LINGO2: variants seen among roughly 807,000 people sequenced by gnomAD.
LINGO2 encodes leucine-rich repeat and immunoglobulin-like domain-containing nogo receptor-interacting protein 2.
Under a neutral mutation model 30.6 loss-of-function variants are expected in LINGO2, and 14 were observed. The observed-to-expected ratio is 0.46, with a 90% CI of 0.30 to 0.72. LINGO2 has a LOEUF of 0.72. LINGO2 is among the 30% of genes least tolerant of loss of function. The pLI is 0.07. For missense variants in LINGO2, 729 were observed against 751.7 expected, an observed-to-expected ratio of 0.97 and a Z score of 0.35; for synonymous variants, 317 against 288.5, an observed-to-expected ratio of 1.10 and a Z score of -1.00.
intron 4 of LINGO2, among the ~76,000 whole-genome samples, chr9:28,193,670 A>G (rs971943109): frequency 8.5e-5 from 13 of 152,220 alleles, no homozygotes; most frequent in African/African-American, 2.9e-4. Flanking sequence ...AGTCACCTCC[A>G]AACTCGGTGG....
chr9:29,142,251 GA>G, the LINGO2 span, among the ~76,000 whole-genome samples: 1 of 151,724 alleles, frequency 6.6e-6, no homozygotes, highest in South Asian at 2.1e-4. Context: ...ATAGCAGAAG[GA>G]ATACAGGAAA....
the LINGO2 span, among the ~76,000 whole-genome samples, chr9:28,677,043 C>T: frequency 1.3e-5 from 2 of 152,054 alleles, no homozygotes; most frequent in Non-Finnish European, 2.9e-5. Context: ...GAATGCTTTC[C>T]GTATGCTAGG....
the LINGO2 span, among the ~76,000 whole-genome samples, chr9:28,790,946 A>G: frequency 2.0e-5 from 3 of 152,170 alleles, no homozygotes; most frequent in African/African-American, 7.2e-5. Flanking sequence ...GTACATACAC[A>G]CTACCATACT....
the LINGO2 span, among the ~76,000 whole-genome samples, chr9:29,128,544 T>C: frequency 6.6e-6 from 1 of 152,114 alleles, no homozygotes; most frequent in Non-Finnish European, 1.5e-5. Flanking sequence ...TTGTACTGCT[T>C]TTCTAATCAG....
At chr9:29,054,208 CA>C in the LINGO2 span, among the ~76,000 whole-genome samples, 57 of 152,058 alleles carry the variant, frequency 3.7e-4, no homozygotes, top group African/African-American at 1.3e-3. Flanking sequence ...AATTGTACAA[CA>C]AAACTAAATA....
upstream of LINGO2, among the ~76,000 whole-genome samples, chr9:28,673,861 G>A (rs1222913946): frequency 3.3e-5 from 5 of 151,848 alleles, no homozygotes; most frequent in South Asian, 4.1e-4. Context: ...AAGTGATAAC[G>A]TTTATAAACA....
chr9:28,154,166 A>G (rs896146407), intron 4 of LINGO2, among the ~76,000 whole-genome samples: 7 of 152,198 alleles, frequency 4.6e-5, no homozygotes, highest in African/African-American at 1.7e-4. Flanking sequence ...AGACAGAGGT[A>G]AAGGAAGTGG....
chr9:28,732,621 T>G, the LINGO2 span, among the ~76,000 whole-genome samples: 1 of 152,220 alleles, frequency 6.6e-6, no homozygotes, highest in East Asian at 1.9e-4. Flanking sequence ...AGAACATAGA[T>G]AAATGAAATA....
At chr9:28,570,556 A>G (rs921929230) in intron 1 of LINGO2, among the ~76,000 whole-genome samples, 2 of 151,828 alleles carry the variant, frequency 1.3e-5, no homozygotes, top group African/African-American at 2.4e-5. Context: ...TTCAAGTACT[A>G]TCAGAAGCAT....
the LINGO2 span, among the ~76,000 whole-genome samples, chr9:28,920,873 C>A: frequency 8.5e-5 from 13 of 152,210 alleles, no homozygotes; most frequent in Middle Eastern, 0.01. Flanking sequence ...CTCTTTTTAG[C>A]TAACATTTCC....
the LINGO2 span, among the ~76,000 whole-genome samples, chr9:28,919,390 T>C: frequency 6.6e-6 from 1 of 152,198 alleles, no homozygotes; most frequent in East Asian, 1.9e-4. Context: ...AACTTCATTA[T>C]ACAATCTCTT....
the LINGO2 span, among the ~76,000 whole-genome samples, chr9:29,158,900 T>C: frequency 6.6e-6 from 1 of 152,168 alleles, no homozygotes; most frequent in South Asian, 2.1e-4. Context: ...CATGTCCTCA[T>C]TTCTTTTGAG....
At chr9:28,612,727 G>A (rs895534718) in intron 1 of LINGO2, among the ~76,000 whole-genome samples, 1 of 152,114 alleles carries the variant, frequency 6.6e-6, no homozygotes, top group Non-Finnish European at 1.5e-5. Flanking sequence ...TCTCAGATGA[G>A]ACTTTGGACT....
chr9:28,125,990 A>G (rs1827225266), intron 4 of LINGO2, among the ~76,000 whole-genome samples: 1 of 152,190 alleles, frequency 6.6e-6, no homozygotes, highest in Admixed American at 6.5e-5. Flanking sequence ...CTCAAATTCA[A>G]ATCATTCAAA....
chr9:28,364,901 C>T (rs1368225215), intron 3 of LINGO2, among the ~76,000 whole-genome samples: 3 of 152,096 alleles, frequency 2.0e-5, no homozygotes, highest in African/African-American at 7.2e-5. Flanking sequence ...TTCATTCATT[C>T]AAATAACATT....
chr9:28,203,901 C>A (rs1346167999), intron 4 of LINGO2, among the ~76,000 whole-genome samples: 2 of 152,104 alleles, frequency 1.3e-5, no homozygotes, highest in African/African-American at 4.8e-5. Context: ...GTTTGGGAAA[C>A]AACAGGCTAA....
In LINGO2 at chr9:28,511,049, G is replaced by T. The variant is rs374644665; in HGVS notation, c.-364-35024C>A. On this transcript the variant is annotated intron_variant, in intron 1 of 5. Coordinates refer to ENST00000379992, the Ensembl canonical transcript of LINGO2. ...GACTGTGCCCACTAGATTAAGGGTG[G>T]ATCTGCCTTCCCCAGCCCACCGATT... is the stretch of plus-strand genomic sequence containing the variant. Among the ~76,000 whole-genome samples, 73 of 151,978 alleles carry T rather than the reference G, an allele frequency of 4.8e-4. No individual in the cohort carries two copies. In the South Asian group the frequency reaches 0.015, roughly 31 times the overall value.
At chr9:28,413,262 GA>G (rs1407643556) in intron 2 of LINGO2, among the ~76,000 whole-genome samples, 1 of 151,978 alleles carries the variant, frequency 6.6e-6, no homozygotes, top group African/African-American at 2.4e-5. Context: ...AGGGTCATCT[GA>G]AAACAGAATA....
chr9:28,949,745 C>A, the LINGO2 span, among the ~76,000 whole-genome samples: 5 of 152,228 alleles, frequency 3.3e-5, no homozygotes, highest in East Asian at 9.7e-4. Flanking sequence ...AGGGACTCCT[C>A]CCTAACTCAT....
Sources: gnomAD v4.1 joint callset for allele counts (sites outside exome capture counted in the v4.1 genomes callset) on GRCh38, gnomAD v4.1.1 for gene constraint, MANE v1.5 for transcripts, NCBI Gene and HGNC (gene_info 2026-07-23, HGNC 2026-07-21) for gene names.